Variants in NCOR1 observed in about 807,000 individuals in gnomAD.
NCOR1 encodes the protein protein phosphatase 1, regulatory subunit 109.
In NCOR1, 63 loss-of-function variants were observed where a neutral mutation model predicts 288.1. The observed-to-expected ratio is 0.22, with a 90% CI of 0.18 to 0.27. NCOR1 has a LOEUF of 0.27. NCOR1 is among the 10% of genes least tolerant of loss of function. The probability of loss-of-function intolerance (pLI) is 1.00; values close to 1 mark genes in which losing one functional copy is unlikely to be tolerated. For missense variants in NCOR1, 2,397 were observed against 3,019.2 expected (o/e 0.79, Z 4.83); for synonymous variants, 1,007 against 1,065.9 (o/e 0.94, Z 1.08).
chr17:16,104,716 G>A (rs1376516796), intron 19 of NCOR1, among the ~76,000 whole-genome samples: 2 of 152,196 alleles, frequency 1.3e-5, no homozygotes, highest in African/African-American at 2.4e-5. Flanking sequence ...GGCTTGCAGT[G>A]AGCTGTGTTC....
chr17:16,155,104 C>T (rs545639305), intron 6 of NCOR1, among the ~76,000 whole-genome samples: 1 of 152,246 alleles, frequency 6.6e-6, no homozygotes, highest in East Asian at 1.9e-4. Context: ...GTAATATCAA[C>T]ACTTTGGGAG....
chr17:16,147,269 C>G (rs533426931), intron 9 of NCOR1, among the ~76,000 whole-genome samples: 4 of 152,064 alleles, frequency 2.6e-5, no homozygotes, highest in African/African-American at 9.6e-5. Flanking sequence ...ATTAGCCAGG[C>G]GTGGTGGTGG....
intron 9 of NCOR1, among the ~76,000 whole-genome samples, chr17:16,148,470 C>T (rs773512018): frequency 6.6e-6 from 1 of 152,122 alleles, no homozygotes; most frequent in Admixed American, 6.5e-5. Context: ...ATCTTGCTCA[C>T]CTTTGCAGAA....
intron 1 of NCOR1, among the ~76,000 whole-genome samples, chr17:16,199,483 T>C (rs1405313999): frequency 6.6e-6 from 1 of 152,176 alleles, no homozygotes; most frequent in African/African-American, 2.4e-5. Flanking sequence ...TCCGATCTAG[T>C]AAGAATGGGA....
chr17:16,046,402 G>A (rs377656908), intron 42 of NCOR1, among the ~76,000 whole-genome samples: 3 of 152,214 alleles, frequency 2.0e-5, no homozygotes, highest in African/African-American at 7.2e-5. Flanking sequence ...CTTTAAAAAT[G>A]ATGAATTTAG....
At chr17:16,147,911 G>A (rs563725992) in intron 9 of NCOR1, among the ~76,000 whole-genome samples, 8 of 152,220 alleles carry the variant, frequency 5.3e-5, no homozygotes, top group East Asian at 3.9e-4. Context: ...TCCGCCTCCC[G>A]GGTTCAAGTT....
rs183341664 is a variant in NCOR1 at position 16,075,032 on chromosome 17, T to A, written c.3670+502A>T. Among the ~76,000 whole-genome samples, 164 of 152,204 alleles carry A rather than the reference T, an allele frequency of 1.1e-3. 3 individuals carry two copies. Among genetic ancestry groups the A allele is most frequent in the African/African-American group, 3.8e-3 (159 of 41,528 alleles). ...ACAGGCGCCCGCCACCATGCCCGGC[T>A]AATTTTTTGGTATTTTTAGTAGAGA... On this transcript the variant is annotated intron_variant, in intron 27 of 45. Transcript: ENST00000268712.
At chr17:16,101,841 T>C (rs1479896104) in intron 19 of NCOR1, 84 bp from the exon 20 acceptor site, 12 of 1,508,802 alleles carry the variant, frequency 8.0e-6, no homozygotes, top group Non-Finnish European at 1.1e-5. Context: ...AATCTGATAA[T>C]GAACATGTTT....
intron 3 of NCOR1, among the ~76,000 whole-genome samples, chr17:16,181,589 G>A (rs1371828043): frequency 1.3e-5 from 2 of 152,064 alleles, no homozygotes; most frequent in African/African-American, 2.4e-5. Context: ...TTTGCTAAAT[G>A]GGTAGATTTT....
At position 16,032,497 on chromosome 17, in the gene NCOR1, A is replaced by C. The variant is rs768400748; in HGVS notation, c.7136-14T>G. The C allele has an allele frequency of 1.1e-5, 17 of 1,562,190 alleles. No homozygotes were observed. The Admixed American group carries it at 2.0e-4, about 19-fold the overall frequency. On this transcript the variant is annotated splice_polypyrimidine_tract_variant and intron_variant, in intron 45 of 45. Coordinates refer to ENST00000268712, the MANE Select transcript of NCOR1 (RefSeq NM_006311.4). Reference sequence around the variant, plus strand: ...ACTGAGTTGAGCCTGACAAAAGAAAAATTAGGTTTTCATTGTCATGAACAT... The same window carrying C: ...ACTGAGTTGAGCCTGACAAAAGAAACATTAGGTTTTCATTGTCATGAACAT...
At chr17:16,210,317 G>A (rs549320342) in intron 1 of NCOR1, among the ~76,000 whole-genome samples, 2 of 152,298 alleles carry the variant, frequency 1.3e-5, no homozygotes, top group East Asian at 3.9e-4. Flanking sequence ...CCAGGAGGCA[G>A]AGGTTATGGT....
chr17:16,087,274 T>C, intron 22 of NCOR1: 2 of 1,304,216 alleles, frequency 1.5e-6, no homozygotes, highest in Non-Finnish European at 2.0e-6. Context: ...CTTGCTGCAG[T>C]ATTGTGCATC....
intron 44 of NCOR1, among the ~76,000 whole-genome samples, chr17:16,035,269 C>T (rs1974075251): frequency 6.6e-6 from 1 of 152,192 alleles, no homozygotes; most frequent in African/African-American, 2.4e-5. Flanking sequence ...GCAATGATAG[C>T]ATTTTAGCCA....
intron 32 of NCOR1, among the ~76,000 whole-genome samples, chr17:16,066,275 A>G (rs987726757): frequency 1.6e-4 from 24 of 152,190 alleles, no homozygotes; most frequent in African/African-American, 5.8e-4. Flanking sequence ...AGAGCTACGG[A>G]AAAAAAGAAT....
Position 16,176,744 on chromosome 17 carries a change from T to C in NCOR1, c.243-4749A>G, listed in dbSNP as rs1045219897. On this transcript the variant is annotated intron_variant, in intron 3 of 45. Coordinates refer to ENST00000268712, the MANE Select transcript of NCOR1 (RefSeq NM_006311.4). ...TCACTCAATTCTGCTATGTAGAAGTTTGTAGCCTGACTCTTCCACCTTGTG... is the reference window on the plus strand; with the variant it reads ...TCACTCAATTCTGCTATGTAGAAGTCTGTAGCCTGACTCTTCCACCTTGTG... 3.5e-4 allele frequency among the ~76,000 whole-genome samples: 53 copies of C among 152,214 alleles called. 2 individuals are homozygous for C. The highest frequency in any genetic ancestry group is 1.3e-3 in the African/African-American group (52 of 41,454).
In NCOR1 at chr17:16,124,404, AACTG is replaced by A. The variant is rs1369953362; in HGVS notation, c.1634+1674_1634+1677del. On this transcript the variant is annotated intron_variant, in intron 15 of 45. Transcript: ENST00000268712. ...CAGAGGCTGGAAATGAGGAAAGAGA[AACTG>A]ACTGCAAAGGAGCATATGGGAACCG... Among the ~76,000 whole-genome samples, 7 of 152,236 alleles carry A rather than the reference AACTG, an allele frequency of 4.6e-5. 1 individual carries two copies. Among genetic ancestry groups the A allele is most frequent in the African/African-American group, 1.7e-4 (7 of 41,462 alleles).
intron 14 of NCOR1, among the ~76,000 whole-genome samples, chr17:16,128,550 A>G (rs967984873): frequency 1.3e-5 from 2 of 152,344 alleles, no homozygotes; most frequent in South Asian, 4.1e-4. Flanking sequence ...AGGTGTATGC[A>G]TATGTTGGAT....
intron 40 of NCOR1, among the ~76,000 whole-genome samples, chr17:16,050,732 TG>T (rs2059212665): frequency 1.0e-5 from 1 of 98,698 alleles, no homozygotes; most frequent in Non-Finnish European, 2.2e-5. Context: ...ATCTTAAACA[TG>T]TTTTTTTTAT....
At chr17:16,101,022 G>C (rs759811966) in intron 20 of NCOR1, among the ~76,000 whole-genome samples, 2 of 152,182 alleles carry the variant, frequency 1.3e-5, no homozygotes, top group African/African-American at 2.4e-5. Context: ...CAGAATACAC[G>C]TAACAAGACA....
Sources: allele counts gnomAD v4.1 joint callset (sites outside exome capture counted in the v4.1 genomes callset), GRCh38; gene constraint gnomAD v4.1.1; transcripts MANE v1.5; gene names NCBI Gene and HGNC (gene_info 2026-07-23, HGNC 2026-07-21).